Variants in MTHFD1L observed in about 807,000 individuals in gnomAD.
The protein encoded by MTHFD1L is methylenetetrahydrofolate dehydrogenase (NADP+ dependent) 1 like.
In MTHFD1L, 81 loss-of-function variants were observed where a neutral mutation model predicts 119.5. The observed-to-expected ratio is 0.68, with a 90% CI of 0.57 to 0.82. The LOEUF is 0.82. MTHFD1L is among the 40% of genes least tolerant of loss of function. The probability of loss-of-function intolerance (pLI) is 0.00; values close to 1 mark genes in which losing one functional copy is unlikely to be tolerated. For synonymous variants in MTHFD1L, 430 were observed against 475.2 expected (o/e 0.90, Z 1.24); for missense variants, 1,125 against 1,253.4 (o/e 0.90, Z 1.55).
At chr6:150,907,501 A>G (rs1786130053) in intron 8 of MTHFD1L, among the ~76,000 whole-genome samples, 1 of 152,222 alleles carries the variant, frequency 6.6e-6, no homozygotes, top group South Asian at 2.1e-4. Flanking sequence ...ATGGGATGTG[A>G]AAACAGAAAA....
intron 17 of MTHFD1L, among the ~76,000 whole-genome samples, chr6:150,956,923 C>T (rs1174289826): frequency 1.3e-5 from 2 of 152,140 alleles, no homozygotes; most frequent in Non-Finnish European, 2.9e-5. Context: ...CTTACACACA[C>T]ACACACAAAC....
At chr6:150,994,976 TATA>T (rs1047679791) in intron 20 of MTHFD1L, among the ~76,000 whole-genome samples, 2 of 152,232 alleles carry the variant, frequency 1.3e-5, no homozygotes, top group African/African-American at 4.8e-5. Context: ...CTTTTGCCAG[TATA>T]ATAAACATAA....
intron 19 of MTHFD1L, among the ~76,000 whole-genome samples, chr6:150,967,585 C>G (rs1158519947): frequency 6.6e-6 from 1 of 152,204 alleles, no homozygotes; most frequent in Non-Finnish European, 1.5e-5. Flanking sequence ...CTACTTCCTT[C>G]CAGCTCGCTG....
chr6:150,933,222 C>T lies in MTHFD1L; in HGVS notation c.1257-3582C>T, dbSNP rs1028594248. On this transcript the variant is annotated intron_variant, in intron 11 of 27. Coordinates refer to ENST00000367321, the MANE Select transcript of MTHFD1L (RefSeq NM_015440.5). Reference sequence around the variant, plus strand: ...CGTGTCTGCTTTTGGCTTTCTTGGGCAGCTATGCTAGCATATCCTTGGGAA... The same window carrying T: ...CGTGTCTGCTTTTGGCTTTCTTGGGTAGCTATGCTAGCATATCCTTGGGAA... Among the ~76,000 whole-genome samples the T allele has an allele frequency of 4.6e-5, 7 of 152,212 alleles. No homozygotes were observed. The South Asian group carries it at 1.2e-3, about 27-fold the overall frequency.
intron 26 of MTHFD1L, chr6:151,041,791 C>G (rs763522097): frequency 2.1e-5 from 11 of 532,560 alleles, no homozygotes; most frequent in Non-Finnish European, 3.9e-5. Flanking sequence ...CAGAGAAGCT[C>G]CCCTCTGGCT....
intron 20 of MTHFD1L, among the ~76,000 whole-genome samples, chr6:150,981,930 A>AT (rs1777558255): frequency 1.3e-5 from 2 of 152,088 alleles, no homozygotes; most frequent in South Asian, 2.1e-4. Flanking sequence ...TATAAAAAAA[A>AT]TTTTTAATTA....
At chr6:151,009,624 A>C (rs1436240007) in intron 20 of MTHFD1L, among the ~76,000 whole-genome samples, 195 bp from the exon 21 acceptor site, 1 of 152,156 alleles carries the variant, frequency 6.6e-6, no homozygotes, top group Non-Finnish European at 1.5e-5. Flanking sequence ...GGCGGTGGGA[A>C]GCAGAGGAGG....
At chr6:151,015,011 C>G (rs773310257) in intron 23 of MTHFD1L, 31 bp downstream of exon 23, 33 of 1,569,842 alleles carry the variant, frequency 2.1e-5, no homozygotes, top group Non-Finnish European at 2.3e-5. Context: ...TAAATGTGGG[C>G]ATTATCACTA....
chr6:150,890,554 G>A (rs747576413), intron 7 of MTHFD1L, among the ~76,000 whole-genome samples: 4 of 152,138 alleles, frequency 2.6e-5, no homozygotes, highest in African/African-American at 4.8e-5. Flanking sequence ...TGAGTCACGC[G>A]CACCAAATAT....
chr6:150,967,119 C>G (rs1397399763), intron 19 of MTHFD1L, among the ~76,000 whole-genome samples: 6 of 49,076 alleles, frequency 1.2e-4, no homozygotes, highest in Admixed American at 3.2e-4. Context: ...CCTGCCCCCA[C>G]CTGCATCCTC....
intron 26 of MTHFD1L, among the ~76,000 whole-genome samples, chr6:151,045,349 C>T (rs1397306689): frequency 3.9e-5 from 6 of 152,182 alleles, no homozygotes; most frequent in Non-Finnish European, 1.5e-5. Flanking sequence ...CCAGCAGGTC[C>T]GCCAGGACCT....
intron 26 of MTHFD1L, among the ~76,000 whole-genome samples, chr6:151,091,045 C>T (rs80201197): frequency 0.015 from 1,289 of 87,524 alleles, 3 homozygotes; most frequent in African/African-American, 0.023. Context: ...TGCAGCATCG[C>T]CCCATGCGAC....
At chr6:151,084,377 G>A (rs980446010) in intron 26 of MTHFD1L, among the ~76,000 whole-genome samples, 1 of 152,158 alleles carries the variant, frequency 6.6e-6, no homozygotes, top group East Asian at 1.9e-4. Context: ...TCCGGGCACC[G>A]GAGCAGGACG....
At chr6:151,014,755 T>C in intron 22 of MTHFD1L, 125 bp from the exon 23 acceptor site, 1 of 652,992 alleles carries the variant, frequency 1.5e-6, no homozygotes, top group Admixed American at 2.9e-5. Context: ...CAGCCATCTT[T>C]CTTGGAGGAA....
intron 26 of MTHFD1L, among the ~76,000 whole-genome samples, chr6:151,087,555 T>C (rs1462354161): frequency 6.6e-6 from 1 of 152,100 alleles, no homozygotes; most frequent in East Asian, 1.9e-4. Flanking sequence ...AATCAGAAAA[T>C]AAATTATTTC....
intron 20 of MTHFD1L, among the ~76,000 whole-genome samples, chr6:150,976,732 A>C (rs139874464): frequency 1.3e-3 from 203 of 152,378 alleles, no homozygotes; most frequent in Non-Finnish European, 1.2e-3. Flanking sequence ...ATTGGAAAGA[A>C]ACGTTTGCAA....
intron 8 of MTHFD1L, among the ~76,000 whole-genome samples, chr6:150,917,101 A>G (rs141500940): frequency 4.0e-4 from 61 of 152,248 alleles, no homozygotes; most frequent in Middle Eastern, 3.4e-3. Flanking sequence ...TAAATTATCA[A>G]AAAAGCCTGA....
intron 24 of MTHFD1L, among the ~76,000 whole-genome samples, chr6:151,020,285 G>A (rs1245194098): frequency 6.6e-6 from 1 of 152,160 alleles, no homozygotes; most frequent in African/African-American, 2.4e-5. Flanking sequence ...AAATTGTCTC[G>A]GAACCCCACT....
chr6:151,097,414 A>G (rs1233339947), intron 27 of MTHFD1L, among the ~76,000 whole-genome samples: 1 of 152,214 alleles, frequency 6.6e-6, no homozygotes, highest in Non-Finnish European at 1.5e-5. Context: ...GTGGAATACT[A>G]CTTAGCCATT....
Sources: gnomAD v4.1 joint callset for allele counts (sites outside exome capture counted in the v4.1 genomes callset) on GRCh38, gnomAD v4.1.1 for gene constraint, MANE v1.5 for transcripts, NCBI Gene and HGNC (gene_info 2026-07-23, HGNC 2026-07-21) for gene names.